The following ARHGEF28 variants were observed in gnomAD, a reference collection of about 807,000 sequenced individuals.
The protein encoded by ARHGEF28 is 190 kDa guanine nucleotide exchange factor.
A neutral mutation model predicts 206.6 loss-of-function variants in ARHGEF28; 152 were observed. The observed-to-expected ratio is 0.74, with a 90% CI of 0.64 to 0.84. The LOEUF (loss-of-function observed/expected upper bound fraction) is 0.84. ARHGEF28 is among the 40% of genes least tolerant of loss of function. The probability of loss-of-function intolerance (pLI) is 0.00; values close to 1 mark genes in which losing one functional copy is unlikely to be tolerated. For synonymous variants in ARHGEF28, 763 were observed against 776.4 expected (o/e 0.98, Z 0.29); for missense variants, 2,028 against 2,073.2 (o/e 0.98, Z 0.42).
intron 18 of ARHGEF28, among the ~76,000 whole-genome samples, chr5:73,866,884 A>G (rs1298052950): frequency 1.3e-5 from 2 of 152,218 alleles, no homozygotes; most frequent in African/African-American, 4.8e-5. Flanking sequence ...CCATGTAACA[A>G]AGTGTGACTG....
intron 1 of ARHGEF28, among the ~76,000 whole-genome samples, chr5:73,681,088 A>ATTTT (rs10551544): frequency 7.1e-6 from 1 of 139,894 alleles, no homozygotes; most frequent in Non-Finnish European, 1.6e-5. Context: ...ATAGTAATGC[A>ATTTT]TTTTTTTTTT....
chr5:73,784,578 T>C (rs1754042732), intron 7 of ARHGEF28, among the ~76,000 whole-genome samples: 2 of 152,234 alleles, frequency 1.3e-5, no homozygotes, highest in South Asian at 4.1e-4. Flanking sequence ...TACAGAACAC[T>C]GATCTTGGAA....
intron 35 of ARHGEF28, among the ~76,000 whole-genome samples, chr5:73,923,454 A>C (rs73762549): frequency 0.074 from 11,281 of 152,222 alleles, 1,399 homozygotes; most frequent in African/African-American, 0.25. Context: ...CTACTGGTAG[A>C]AGTTATCGTT....
intron 9 of ARHGEF28, among the ~76,000 whole-genome samples, chr5:73,829,151 A>T (rs376346515): frequency 8.5e-5 from 13 of 152,300 alleles, no homozygotes; most frequent in African/African-American, 2.4e-4. Flanking sequence ...TATATGGTGA[A>T]TTCTTCTAGG....
chr5:73,938,160 CCACA>C (rs199804024), intron 35 of ARHGEF28, among the ~76,000 whole-genome samples: 2,268 of 139,622 alleles, frequency 0.016, 52 homozygotes, highest in African/African-American at 0.039. Context: ...CTACACTACA[CCACA>C]CACACACACA....
chr5:73,811,251 C>G (rs1433308761), intron 9 of ARHGEF28, among the ~76,000 whole-genome samples: 1 of 152,218 alleles, frequency 6.6e-6, no homozygotes, highest in Non-Finnish European at 1.5e-5. Context: ...TATGCACACT[C>G]CCATCATTGT....
At chr5:73,631,111 G>A (rs1743340129) in intron 1 of ARHGEF28, among the ~76,000 whole-genome samples, 2 of 152,150 alleles carry the variant, frequency 1.3e-5, no homozygotes, top group Admixed American at 6.5e-5. Context: ...AAGAGGGGTG[G>A]TATAGCTCTG....
intron 1 of ARHGEF28, among the ~76,000 whole-genome samples, chr5:73,675,303 T>G (rs139415811): frequency 3.9e-5 from 6 of 152,076 alleles, no homozygotes; most frequent in Admixed American, 6.5e-5. Flanking sequence ...GAAGAAACTG[T>G]TTTTTTTCTA....
At chr5:73,779,702 G>T (rs886188011) in intron 6 of ARHGEF28, among the ~76,000 whole-genome samples, 3 of 152,058 alleles carry the variant, frequency 2.0e-5, no homozygotes, top group Non-Finnish European at 4.4e-5. Flanking sequence ...ATATGGACCT[G>T]CCCTGGTCCA....
chr5:73,833,209 A>G (rs1373529839), intron 10 of ARHGEF28, among the ~76,000 whole-genome samples: 2 of 152,226 alleles, frequency 1.3e-5, no homozygotes, highest in African/African-American at 2.4e-5. Context: ...TGATGACACA[A>G]AGTCTGCCTT....
Position 73,887,593 on chromosome 5 carries a change from T to C in ARHGEF28, c.3311-10T>C, listed in dbSNP as rs191850341. Reference sequence around the variant, plus strand: ...GCTTCATTAATACTAGTAATGTTTTTTCTTTAAAGATATCCTAGCTCTACT... The same window carrying C: ...GCTTCATTAATACTAGTAATGTTTTCTCTTTAAAGATATCCTAGCTCTACT... On this transcript the variant is annotated splice_polypyrimidine_tract_variant and intron_variant, in intron 25 of 35. Coordinates refer to ENST00000513042, the MANE Select transcript of ARHGEF28 (RefSeq NM_001177693.2). 1.2e-5 allele frequency: 18 copies of C among 1,545,378 alleles called. No homozygotes were observed. The East Asian group carries it at 1.2e-4, about 10-fold the overall frequency.
At chr5:73,639,245 A>T (rs1021781341) in intron 1 of ARHGEF28, among the ~76,000 whole-genome samples, 7 of 148,436 alleles carry the variant, frequency 4.7e-5, no homozygotes, top group African/African-American at 1.7e-4. Context: ...ATATATATAT[A>T]ATATATATAC....
intron 3 of ARHGEF28, among the ~76,000 whole-genome samples, chr5:73,750,695 G>A (rs1302395228): frequency 2.0e-5 from 3 of 152,092 alleles, no homozygotes; most frequent in African/African-American, 4.8e-5. Context: ...AGAGTCATCA[G>A]GCTTTAACCT....
intron 35 of ARHGEF28, among the ~76,000 whole-genome samples, chr5:73,913,365 G>A (rs935112356): frequency 2.0e-5 from 3 of 152,066 alleles, no homozygotes; most frequent in Non-Finnish European, 4.4e-5. Flanking sequence ...TTCATGATAA[G>A]CAATTTCTAC....
intron 3 of ARHGEF28, among the ~76,000 whole-genome samples, chr5:73,751,627 CT>C (rs1433896200): frequency 3.3e-5 from 5 of 151,982 alleles, no homozygotes; most frequent in Admixed American, 6.6e-5. Flanking sequence ...TTATCTTTTT[CT>C]TTACTTGCAT....
chr5:73,940,388 A>AC (rs977777565), intron 35 of ARHGEF28, among the ~76,000 whole-genome samples: 6 of 152,010 alleles, frequency 3.9e-5, no homozygotes, highest in African/African-American at 1.4e-4. Flanking sequence ...TTCACTTTTT[A>AC]CCCCCACCCC....
At chr5:73,639,693 G>A (rs1198368002) in intron 1 of ARHGEF28, among the ~76,000 whole-genome samples, 1 of 152,194 alleles carries the variant, frequency 6.6e-6, no homozygotes. Context: ...ACATAGCATA[G>A]TAAGCCTTAT....
intron 14 of ARHGEF28, among the ~76,000 whole-genome samples, chr5:73,856,765 G>T (rs1420104013): frequency 1.3e-5 from 2 of 152,102 alleles, no homozygotes; most frequent in East Asian, 3.8e-4. Flanking sequence ...GTATGGAAAG[G>T]TGAGAATTTT....
intron 17 of ARHGEF28, among the ~76,000 whole-genome samples, chr5:73,865,750 C>T (rs773139446): frequency 4.6e-5 from 7 of 152,128 alleles, no homozygotes; most frequent in Non-Finnish European, 7.4e-5. Context: ...GTTCAGGAGG[C>T]GCATGTTCAC....
Sources: gnomAD v4.1 joint callset for allele counts (sites outside exome capture counted in the v4.1 genomes callset) on GRCh38, gnomAD v4.1.1 for gene constraint, MANE v1.5 for transcripts, NCBI Gene and HGNC (gene_info 2026-07-23, HGNC 2026-07-21) for gene names.